The following TCTN2 variants were observed in gnomAD, a reference collection of about 807,000 sequenced individuals.
TCTN2 encodes the protein tectonic family member 2, also known as tectonic-2.
TCTN2 carries 66 observed loss-of-function variants against 83.4 expected under a neutral mutation model. The observed-to-expected ratio is 0.79, with a 90% CI of 0.65 to 0.97. TCTN2 has a LOEUF of 0.97. TCTN2 is among the 50% of genes least tolerant of loss of function. The pLI, the probability that TCTN2 is intolerant of heterozygous loss-of-function variation, is 0.00. For synonymous variants in TCTN2, 301 were observed against 326.7 expected, an observed-to-expected ratio of 0.92 and a Z score of 0.85; for missense variants, 794 against 858.1, an observed-to-expected ratio of 0.93 and a Z score of 0.93.
chr12:123,672,923 G>A (rs538624405), intron 3 of TCTN2, among the ~76,000 whole-genome samples: 1 of 152,246 alleles, frequency 6.6e-6, no homozygotes, highest in South Asian at 2.1e-4. Flanking sequence ...GATGGCGGGT[G>A]CCTGTAATCT....
chr12:123,680,717 A>G (rs1410368936), intron 5 of TCTN2, among the ~76,000 whole-genome samples: 8 of 151,116 alleles, frequency 5.3e-5, no homozygotes, highest in African/African-American at 1.7e-4. Flanking sequence ...GGGTTTCACC[A>G]TGTTGGCCAG....
At chr12:123,679,891 C>T (rs879401410) in intron 5 of TCTN2, among the ~76,000 whole-genome samples, 2 of 151,574 alleles carry the variant, frequency 1.3e-5, no homozygotes, top group African/African-American at 2.4e-5. Context: ...AGGCGCCCAC[C>T]ACCACGCCCA....
In TCTN2 at chr12:123,671,157, G is replaced by C; in HGVS notation, c.-84G>C. Reference sequence around the variant, plus strand: ...TGCAAGATGGCGGCGGCGGGGCAGTGGCTGCTGCGTTTTCGTGTCTGAGTC... The same window carrying C: ...TGCAAGATGGCGGCGGCGGGGCAGTCGCTGCTGCGTTTTCGTGTCTGAGTC... On this transcript the variant is annotated 5_prime_UTR_variant, in exon 1 of 18. Transcript: ENST00000303372. 1 of 1,338,518 alleles carries C rather than the reference G, an allele frequency of 7.5e-7. No homozygotes were observed. Among genetic ancestry groups the C allele is most frequent in the African/African-American group, 1.4e-5 (1 of 69,168 alleles). 82.9% of individuals were successfully genotyped at this position (1,338,518 alleles called of 1,614,324 possible).
chr12:123,702,135 G>C (rs1956179676), intron 14 of TCTN2, among the ~76,000 whole-genome samples: 1 of 152,208 alleles, frequency 6.6e-6, no homozygotes, highest in African/African-American at 2.4e-5. Flanking sequence ...CCTTGAGTCT[G>C]TAAATACTTT....
chr12:123,685,868 T>A (rs1955959722), intron 5 of TCTN2, among the ~76,000 whole-genome samples: 1 of 150,878 alleles, frequency 6.6e-6, no homozygotes, highest in African/African-American at 2.4e-5. Context: ...GGATCACAGA[T>A]GTCCACCACC....
intron 6 of TCTN2, 82 bp downstream of exon 6, chr12:123,687,117 G>A (rs1171075440): frequency 1.6e-5 from 24 of 1,537,554 alleles, no homozygotes; most frequent in South Asian, 4.5e-5. Flanking sequence ...CCTGCAACGC[G>A]GTCACGTTTT....
At chr12:123,700,652 C>T (rs1050777293) in intron 14 of TCTN2, among the ~76,000 whole-genome samples, 22 of 152,260 alleles carry the variant, frequency 1.4e-4, no homozygotes, top group East Asian at 1.9e-4. Flanking sequence ...AGGCTGGTCT[C>T]GAACTCCTGA....
At position 123,671,120 on chromosome 12, in the gene TCTN2, CG is replaced by C. The variant is rs1593826727; in HGVS notation, c.-118del. 4.1e-6 allele frequency: 4 copies of C among 971,402 alleles called. No individual in the cohort carries two copies. In the East Asian group the frequency reaches 1.0e-4, roughly 25 times the overall value. The allele number at this position is 971,402 out of a possible 1,614,324, so 60.2% of individuals were successfully genotyped here. A position where few individuals can be genotyped will look rare whatever the true frequency, so the allele number is the denominator to read the frequency against. ...CGCCGATTGGTGGTTGCCATAGCTCCGGGCGTTCGCTTGCAAGATGGCGGCG... is the reference window on the plus strand; with the variant it reads ...CGCCGATTGGTGGTTGCCATAGCTCCGGCGTTCGCTTGCAAGATGGCGGCG... On this transcript the variant is annotated 5_prime_UTR_variant, in exon 1 of 18. Transcript: ENST00000303372.
At position 123,688,023 on chromosome 12, in the gene TCTN2, C is replaced by T. The variant is rs890989986; in HGVS notation, c.765-28C>T. ...ATTGTGTTTTAGCAGATAACTGAAACTATTCAGCCTTTCTTATTGATTTTC... is the reference window on the plus strand; with the variant it reads ...ATTGTGTTTTAGCAGATAACTGAAATTATTCAGCCTTTCTTATTGATTTTC... On this transcript the variant is annotated intron_variant, in intron 6 of 17. Transcript: ENST00000303372. 10 of 1,612,822 alleles carry T rather than the reference C, an allele frequency of 6.2e-6. No individual in the cohort carries two copies. In the Admixed American group the frequency reaches 6.7e-5, roughly 11 times the overall value.
intron 7 of TCTN2, 41 bp downstream of exon 7, chr12:123,688,218 T>G: frequency 6.5e-7 from 1 of 1,547,422 alleles, no homozygotes; most frequent in Non-Finnish European, 8.8e-7. Flanking sequence ...GTTCTCTTTT[T>G]TTTTTTTTTT....
rs371865300 is a variant in TCTN2 at position 123,687,054 on chromosome 12, G to T, written c.764+19G>T. The T allele has an allele frequency of 1.2e-6, 2 of 1,613,848 alleles. No individual in the cohort carries two copies. Among genetic ancestry groups the T allele is most frequent in the African/African-American group, 1.3e-5 (1 of 75,022 alleles). On this transcript the variant is annotated intron_variant, in intron 6 of 17. Coordinates refer to ENST00000303372, the MANE Select transcript of TCTN2 (RefSeq NM_024809.5). ...GTGCTGTGTAAGTGTCTGAGCAGCC[G>T]CCTGGGATGGGGCATTGTTCTCCCG...
chr12:123,704,082 C>T (rs1052938031), intron 14 of TCTN2, among the ~76,000 whole-genome samples: 3 of 150,204 alleles, frequency 2.0e-5, no homozygotes, highest in South Asian at 2.1e-4. Flanking sequence ...TCTTGGCTCA[C>T]GGCAAGCTCC....
Position 123,697,167 on chromosome 12 carries a change from G to T in TCTN2, c.1474G>T (p.Val492Phe), listed in dbSNP as rs1449279317. The change falls in exon 13 of 18, where the codon GTC (valine) becomes TTC (phenylalanine). Residue 492 changes from valine to phenylalanine, a missense_variant. By Grantham distance (50) the Val-to-Phe change is conservative. Transcript: ENST00000303372. ...TGTACTCTCTGGATGCCTGTTAGAA[G>T]TCGGGATTAATGAAAATTGTACTCA... ...ENVLSGCLLE[V>F]GINENCTQLR... 8.1e-6 allele frequency: 13 copies of T among 1,613,892 alleles called. No individual in the cohort carries two copies. In the African/African-American group the frequency reaches 1.7e-4, roughly 22 times the overall value.
At chr12:123,683,335 C>G (rs991533920) in intron 5 of TCTN2, among the ~76,000 whole-genome samples, 1 of 151,914 alleles carries the variant, frequency 6.6e-6, no homozygotes, top group East Asian at 1.9e-4. Context: ...GGCTGGAGAG[C>G]AGTGGTGCCA....
Position 123,690,602 on chromosome 12 carries a change from G to T in TCTN2, c.961G>T (p.Val321Phe), listed in dbSNP as rs531586530. 6.2e-7 allele frequency: 1 copy of T among 1,614,002 alleles called. No homozygotes were observed. Among genetic ancestry groups the T allele is most frequent in the East Asian group, 2.2e-5 (1 of 44,898 alleles). ...AFLHNFDVKC[V>F]TNLELYQERD... ...TCTTCACAATTTTGATGTTAAATGC[G>T]TTACTAATTTGGAACTATACCAAGA... The change falls in exon 8 of 18, where the codon GTT becomes TTT. Residue 321 changes from valine (V) to phenylalanine (F), a missense_variant. By Grantham distance (50) the Val-to-Phe change is conservative (BLOSUM62 -1). Coordinates refer to ENST00000303372, the MANE Select transcript of TCTN2 (RefSeq NM_024809.5).
intron 4 of TCTN2, among the ~76,000 whole-genome samples, chr12:123,678,910 G>A (rs1955858734): frequency 6.6e-6 from 1 of 151,346 alleles, no homozygotes; most frequent in East Asian, 1.9e-4. Flanking sequence ...CCATTCTCCT[G>A]TCTCAGCCTT....
At chr12:123,700,734 G>A (rs761834807) in intron 14 of TCTN2, among the ~76,000 whole-genome samples, 2 of 152,170 alleles carry the variant, frequency 1.3e-5, no homozygotes, top group Non-Finnish European at 2.9e-5. Flanking sequence ...CCAGGCCGAG[G>A]CCAGGAGTTT....
chr12:123,695,489 T>G (rs1956096718), intron 11 of TCTN2, 192 bp downstream of exon 11: 3 of 484,582 alleles, frequency 6.2e-6, no homozygotes, highest in Non-Finnish European at 3.7e-6. Context: ...TGGCGCAATC[T>G]CGGCTCACTG....
intron 13 of TCTN2, among the ~76,000 whole-genome samples, chr12:123,699,011 A>G (rs1956141422): frequency 6.6e-6 from 1 of 152,136 alleles, no homozygotes; most frequent in Non-Finnish European, 1.5e-5. Context: ...AATTCCAGCT[A>G]GATATATAGG....
Sources: allele counts gnomAD v4.1 joint callset (sites outside exome capture counted in the v4.1 genomes callset), GRCh38; gene constraint gnomAD v4.1.1; transcripts MANE v1.5; gene names NCBI Gene and HGNC (gene_info 2026-07-23, HGNC 2026-07-21).